The following LTA4H variants were observed in gnomAD, a reference collection of about 807,000 sequenced individuals.
LTA4H encodes leukotriene A-4 hydrolase.
A neutral mutation model predicts 89.8 loss-of-function variants in LTA4H; 59 were observed. The ratio of observed to expected loss-of-function variants is 0.66; its 90% CI spans 0.53 to 0.82. LTA4H has a LOEUF of 0.82. LTA4H is among the 40% of genes least tolerant of loss of function. The probability of loss-of-function intolerance (pLI) is 0.00; values close to 1 mark genes in which losing one functional copy is unlikely to be tolerated. For synonymous variants in LTA4H, 227 were observed against 253.1 expected, an observed-to-expected ratio of 0.90 and a Z score of 0.98; for missense variants, 617 against 727.0, an observed-to-expected ratio of 0.85 and a Z score of 1.74.
intron 14 of LTA4H, chr12:96,009,382 G>C: frequency 2.0e-6 from 1 of 505,818 alleles, no homozygotes; most frequent in Non-Finnish European, 3.5e-6. Flanking sequence ...CTTTTAGAAA[G>C]AATGCCAAAG....
chr12:96,015,052 C>T (rs554237978), intron 11 of LTA4H, 53 bp from the exon 12 acceptor site: 88 of 1,536,496 alleles, frequency 5.7e-5, no homozygotes, highest in Middle Eastern at 1.7e-4. Context: ...GCTATCACCA[C>T]GCAAATAAGC....
intron 10 of LTA4H, among the ~76,000 whole-genome samples, 178 bp downstream of exon 10, chr12:96,016,866 C>G (rs1035196294): frequency 1.3e-5 from 2 of 151,394 alleles, no homozygotes; most frequent in Non-Finnish European, 2.9e-5. Flanking sequence ...CACCACTGCA[C>G]TCTAGCCTGA....
intron 1 of LTA4H, among the ~76,000 whole-genome samples, chr12:96,041,438 C>T (rs948435919): frequency 2.0e-5 from 3 of 152,118 alleles, no homozygotes; most frequent in Admixed American, 6.6e-5. Context: ...CTGATGTGGT[C>T]TAGCTAGCTC....
At position 96,009,147 on chromosome 12, in the gene LTA4H, A is replaced by T. The variant is rs754208172; in HGVS notation, c.1381T>A (p.Tyr461Asn). ...CAAGCATTTGTCAGAGTCATATCAT[A>T]ACTGCAAAGATAAAGATTACATTGT... The part of the protein sequence containing the change: ...SPGLPPIKPN[Y>N]DMTLTNACIA... Residue 461 changes from tyrosine (Y) to asparagine (N), a missense_variant and splice_region_variant, in exon 15 of 19, where the codon TAT (tyrosine) becomes AAT (asparagine). By Grantham distance (143) the Tyr-to-Asn change is moderately radical. Around this residue, in one of 3 missense-constraint regions of LTA4H, gnomAD observed 290 missense variants for 339.1 expected, o/e 0.86. Coordinates refer to ENST00000228740, the MANE Select transcript of LTA4H (RefSeq NM_000895.3). 2 of 1,598,092 alleles carry T rather than the reference A, an allele frequency of 1.3e-6. No individual in the cohort carries two copies. The highest frequency in any genetic ancestry group is 2.7e-5 in the African/African-American group (2 of 74,780).
intron 10 of LTA4H, among the ~76,000 whole-genome samples, chr12:96,016,176 T>C (rs1006579280): frequency 6.6e-6 from 1 of 150,782 alleles, no homozygotes; most frequent in Non-Finnish European, 1.5e-5. Flanking sequence ...GAGCTGAGCA[T>C]GGTGGCGTGC....
chr12:96,006,466 G>T, intron 15 of LTA4H, 57 bp from the exon 16 acceptor site: 1 of 950,820 alleles, frequency 1.1e-6, no homozygotes, highest in South Asian at 1.6e-5. Context: ...AATACTTATT[G>T]GTTTATCTGA....
Position 96,017,032 on chromosome 12 carries a change from C to T in LTA4H, c.947+12G>A, listed in dbSNP as rs1248877657. The T allele has an allele frequency of 5.0e-6, 8 of 1,591,886 alleles. No individual in the cohort carries two copies. In the South Asian group the frequency reaches 5.5e-5, roughly 11 times the overall value. ...ACATGAACCAATAAAGAAATAATAA[C>T]AAAAATCTTACCAAAAGTGATCCCA... is the stretch of plus-strand genomic sequence containing the variant. On this transcript the variant is annotated intron_variant, in intron 10 of 18. Coordinates refer to ENST00000228740, the MANE Select transcript of LTA4H (RefSeq NM_000895.3).
Position 96,035,538 on chromosome 12 carries a change from A to T in LTA4H, c.-19T>A. On this transcript the variant is annotated 5_prime_UTR_variant, in exon 1 of 19. Transcript: ENST00000228740. ...CGGGCATGGCTCTGGGGGATCACAC[A>T]GCACAGCGACCTACAGCCCAACGCT... 6.3e-7 allele frequency: 1 copy of T among 1,590,918 alleles called. No homozygotes were observed. The highest frequency in any genetic ancestry group is 8.6e-7 in the Non-Finnish European group (1 of 1,166,890).
At chr12:96,034,277 C>A (rs762001596) in intron 1 of LTA4H, among the ~76,000 whole-genome samples, 4 of 152,100 alleles carry the variant, frequency 2.6e-5, no homozygotes, top group Non-Finnish European at 5.9e-5. Flanking sequence ...TTTTCATGAC[C>A]CTCTTATTTT....
intron 15 of LTA4H, among the ~76,000 whole-genome samples, chr12:96,008,780 A>G (rs1046570529): frequency 2.0e-5 from 3 of 152,222 alleles, no homozygotes; most frequent in Non-Finnish European, 2.9e-5. Flanking sequence ...TTAGCCAGGC[A>G]TGGAGGCACA....
At position 96,022,077 on chromosome 12, in the gene LTA4H, C is replaced by T. The variant is rs1218822163; in HGVS notation, c.585+70G>A. The T allele has an allele frequency of 2.1e-6, 2 of 933,428 alleles. No homozygotes were observed. The highest frequency in any genetic ancestry group is 4.9e-5 in the East Asian group (2 of 40,734). The allele number at this position is 933,428 out of a possible 1,614,324, so 57.8% of individuals were successfully genotyped here. ...GAAATATTTCAAAAGTAATTTTGCCCTCTGGATGTGTACAAGCTAACTGTA... is the reference window on the plus strand; with the variant it reads ...GAAATATTTCAAAAGTAATTTTGCCTTCTGGATGTGTACAAGCTAACTGTA... On this transcript the variant is annotated intron_variant, in intron 5 of 18. Transcript: ENST00000228740. The surrounding 1 kb of genome is among the most constrained non-coding windows in gnomAD (Gnocchi z 4.0).
Position 96,035,567 on chromosome 12 carries a change from C to A in LTA4H, c.-48G>T. 1.9e-6 allele frequency: 3 copies of A among 1,543,814 alleles called. No individual in the cohort carries two copies. The highest frequency in any genetic ancestry group is 2.4e-5 in the East Asian group (1 of 42,222). On this transcript the variant is annotated 5_prime_UTR_variant, in exon 1 of 19. Coordinates refer to ENST00000228740, the MANE Select transcript of LTA4H (RefSeq NM_000895.3). ...CAGCGACCTACAGCCCAACGCTCAGCTACCAGACTCGTCGATAGAGAACCT... is the reference window on the plus strand; with the variant it reads ...CAGCGACCTACAGCCCAACGCTCAGATACCAGACTCGTCGATAGAGAACCT...
At chr12:96,036,389 G>A (rs1323363156), upstream of LTA4H, among the ~76,000 whole-genome samples, 2 of 152,158 alleles carry the variant, frequency 1.3e-5, no homozygotes, top group East Asian at 3.8e-4. Flanking sequence ...AAAATTGGAA[G>A]AGGCTAGGTT....
chr12:96,017,040 T>G lies in LTA4H; in HGVS notation c.947+4A>C. 6.2e-7 allele frequency: 1 copy of G among 1,603,372 alleles called. No individual in the cohort carries two copies. Among genetic ancestry groups the G allele is most frequent in the Non-Finnish European group, 8.5e-7 (1 of 1,170,584 alleles). Reference sequence around the variant, plus strand: ...CAATAAAGAAATAATAACAAAAATCTTACCAAAAGTGATCCCAAGTTTTGT... The same window carrying G: ...CAATAAAGAAATAATAACAAAAATCGTACCAAAAGTGATCCCAAGTTTTGT... On this transcript the variant is annotated splice_donor_region_variant and intron_variant, in intron 10 of 18. Coordinates refer to ENST00000228740, the MANE Select transcript of LTA4H (RefSeq NM_000895.3).
rs1950629819 is a variant in LTA4H at position 96,035,444 on chromosome 12, A to G, written c.76T>C (p.Cys26Arg). The G allele has an allele frequency of 1.2e-6, 2 of 1,610,240 alleles. No homozygotes were observed. The highest frequency in any genetic ancestry group is 2.7e-5 in the African/African-American group (2 of 74,986). The change falls in exon 1 of 19, where the codon TGC (cysteine) becomes CGC (arginine). Residue 26 changes from cysteine (C) to arginine (R), a missense_variant. Coordinates refer to ENST00000228740, the MANE Select transcript of LTA4H (RefSeq NM_000895.3). The stretch of plus-strand genomic sequence containing the variant: ...GTCCGGCGAGTAAAGTCGACGCTGC[A>G]GCGCAGGTGCAGGTGCTTGGTCCGG... ...VCRTKHLHLRCSVDFTRRTLT... is the reference protein window; with the variant it reads ...VCRTKHLHLRRSVDFTRRTLT...
chr12:96,037,692 CTTT>C (rs1205832896), upstream of LTA4H, among the ~76,000 whole-genome samples: 10 of 114,176 alleles, frequency 8.8e-5, no homozygotes, highest in African/African-American at 1.5e-4. Context: ...ATTGAGAAAG[CTTT>C]TTTTTTTTTT....
At chr12:96,023,674 G>A (rs1438638811) in intron 4 of LTA4H, among the ~76,000 whole-genome samples, 1 of 152,168 alleles carries the variant, frequency 6.6e-6, no homozygotes, top group Non-Finnish European at 1.5e-5. Context: ...TAGCCTCCGG[G>A]ATAGTGATTA....
At chr12:96,036,009 C>T (rs74556576), upstream of LTA4H, among the ~76,000 whole-genome samples, 91 of 152,298 alleles carry the variant, frequency 6.0e-4, no homozygotes, top group East Asian at 3.1e-3. Flanking sequence ...AGAAGGCTTT[C>T]TTTCGTGCGG....
At chr12:96,020,023 C>A (rs1950435102) in intron 6 of LTA4H, among the ~76,000 whole-genome samples, 1 of 151,964 alleles carries the variant, frequency 6.6e-6, no homozygotes, top group African/African-American at 2.4e-5. Context: ...CCCACCTCAG[C>A]CTTCTGAGTA....
Sources: allele counts gnomAD v4.1 joint callset (sites outside exome capture counted in the v4.1 genomes callset), GRCh38; gene constraint gnomAD v4.1.1; regional missense constraint gnomAD v4.1.1; non-coding constraint Gnocchi (gnomAD v3.1); transcripts MANE v1.5; gene names NCBI Gene and HGNC (gene_info 2026-07-23, HGNC 2026-07-21).